RAD23B: variants seen among roughly 807,000 people sequenced by gnomAD.
The protein encoded by RAD23B is lysine-specific demethylase RAD23B.
RAD23B carries 5 observed loss-of-function variants against 49.1 expected under a neutral mutation model. That is an observed-to-expected ratio of 0.10 (90% confidence interval 0.05 to 0.21). The LOEUF (loss-of-function observed/expected upper bound fraction) is 0.21. RAD23B is among the 10% of genes least tolerant of loss of function. The pLI, the probability that RAD23B is intolerant of heterozygous loss-of-function variation, is 1.00. For missense variants in RAD23B, 356 were observed against 486.7 expected, an observed-to-expected ratio of 0.73 and a Z score of 2.53; for synonymous variants, 184 against 165.4, an observed-to-expected ratio of 1.11 and a Z score of -0.86.
At chr9:107,303,607 C>G (rs1355819049) in intron 3 of RAD23B, among the ~76,000 whole-genome samples, 2 of 152,116 alleles carry the variant, frequency 1.3e-5, no homozygotes, top group African/African-American at 4.8e-5. Context: ...GCAGCTATCA[C>G]CATCATATAA....
intron 3 of RAD23B, among the ~76,000 whole-genome samples, chr9:107,303,813 T>C (rs906284304): frequency 2.6e-5 from 4 of 152,182 alleles, no homozygotes; most frequent in Admixed American, 2.6e-4. Context: ...CATTTAAATA[T>C]GTTTTGTTAC....
At chr9:107,288,765 A>G (rs1466677492) in intron 1 of RAD23B, among the ~76,000 whole-genome samples, 1 of 152,198 alleles carries the variant, frequency 6.6e-6, no homozygotes, top group African/African-American at 2.4e-5. Flanking sequence ...AGAGCTGAGT[A>G]AAAATGAGCA....
chr9:107,320,269 AT>A (rs1384289065), intron 6 of RAD23B, among the ~76,000 whole-genome samples: 1 of 152,226 alleles, frequency 6.6e-6, no homozygotes, highest in East Asian at 1.9e-4. Flanking sequence ...TGTGGAATTA[AT>A]AATTGTTGTG....
At chr9:107,326,869 G>A (rs188431937) in intron 9 of RAD23B, among the ~76,000 whole-genome samples, 22 of 151,924 alleles carry the variant, frequency 1.4e-4, no homozygotes, top group Admixed American at 7.2e-4. Context: ...TCGATCTCAT[G>A]ACTTCGTGAT....
chr9:107,324,470 A>T (rs1197015424), intron 8 of RAD23B, among the ~76,000 whole-genome samples: 1 of 152,234 alleles, frequency 6.6e-6, no homozygotes, highest in Non-Finnish European at 1.5e-5. Flanking sequence ...AATTTTATAC[A>T]GCATTTTAAT....
chr9:107,328,700 C>T (rs2133102273), intron 9 of RAD23B, among the ~76,000 whole-genome samples: 1 of 152,330 alleles, frequency 6.6e-6, no homozygotes, highest in East Asian at 1.9e-4. Flanking sequence ...TGCTCACCTG[C>T]TCCTGGGCAG....
chr9:107,290,441 G>A (rs1336695896), intron 1 of RAD23B, among the ~76,000 whole-genome samples: 1 of 152,054 alleles, frequency 6.6e-6, no homozygotes, highest in Non-Finnish European at 1.5e-5. Flanking sequence ...CTATTTCCCT[G>A]CTTCTCAAGA....
chr9:107,324,923 C>T lies in RAD23B; in HGVS notation c.1035C>T (p.Gly345=). The part of the protein sequence containing the change: ...AGGQGGGGGG[G]SGGIAEAGSG... ...GTCAAGGAGGAGGAGGTGGAGGTGG[C>T]AGTGGAGGAATTGCAGAAGCTGGAA... Residue 345 remains glycine (G), a synonymous_variant, in exon 9 of 10, where the codon GGC becomes GGT. Coordinates refer to ENST00000358015, the MANE Select transcript of RAD23B (RefSeq NM_002874.5). The T allele has an allele frequency of 6.2e-7, 1 of 1,613,542 alleles. No homozygotes were observed. Among genetic ancestry groups the T allele is most frequent in the Non-Finnish European group, 8.5e-7 (1 of 1,179,798 alleles).
At chr9:107,290,438 C>G (rs1341654892) in intron 1 of RAD23B, among the ~76,000 whole-genome samples, 1 of 152,190 alleles carries the variant, frequency 6.6e-6, no homozygotes, top group African/African-American at 2.4e-5. Flanking sequence ...GCCCTATTTC[C>G]CTGCTTCTCA....
chr9:107,318,557 G>T lies in RAD23B; in HGVS notation c.554-195G>T, dbSNP rs1396055762. 6.6e-6 allele frequency among the ~76,000 whole-genome samples: 1 copy of T among 152,094 alleles called. No homozygotes were observed. On this transcript the variant is annotated intron_variant, in intron 5 of 9. Coordinates refer to ENST00000358015, the MANE Select transcript of RAD23B (RefSeq NM_002874.5). The surrounding 1 kb of genome is among the most constrained non-coding windows in gnomAD (Gnocchi z 4.3). ...CCTTTGCCTTGTAACCTATTTATAG[G>T]TTCCAGGGATCAAACCAGAGGGCAT...
At chr9:107,328,119 C>T (rs576814368) in intron 9 of RAD23B, among the ~76,000 whole-genome samples, 1 of 152,150 alleles carries the variant, frequency 6.6e-6, no homozygotes, top group Non-Finnish European at 1.5e-5. Flanking sequence ...GGATTGTACC[C>T]TTTACTTCAC....
At position 107,324,941 on chromosome 9, in the gene RAD23B, A is replaced by G; in HGVS notation, c.1053A>G (p.Glu351=). Residue 351 remains glutamate, a synonymous_variant, in exon 9 of 10, where the codon GAA becomes GAG. Coordinates refer to ENST00000358015, the MANE Select transcript of RAD23B (RefSeq NM_002874.5). ...GGGGGSGGIA[E]AGSGHMNYIQ... is the part of the protein sequence containing the mutation. ...GAGGTGGCAGTGGAGGAATTGCAGA[A>G]GCTGGAAGTGGTCATATGAACTACA... 1 of 1,613,880 alleles carries G rather than the reference A, an allele frequency of 6.2e-7. No homozygotes were observed. The highest frequency in any genetic ancestry group is 1.1e-5 in the South Asian group (1 of 91,060).
intron 3 of RAD23B, among the ~76,000 whole-genome samples, chr9:107,303,584 G>C (rs1826702915): frequency 6.6e-6 from 1 of 152,098 alleles, no homozygotes; most frequent in Non-Finnish European, 1.5e-5. Flanking sequence ...TAACATTATA[G>C]TTACATTGTT....
At chr9:107,290,970 A>G (rs1420793608) in intron 1 of RAD23B, among the ~76,000 whole-genome samples, 1 of 152,236 alleles carries the variant, frequency 6.6e-6, no homozygotes, top group East Asian at 1.9e-4. Flanking sequence ...ACACTACACC[A>G]TCTGTTCCCT....
At position 107,324,885 on chromosome 9, in the gene RAD23B, C is replaced by G. The variant is rs1827173719; in HGVS notation, c.997C>G (p.Gln333Glu). ...HFIQMLNEPV[Q>E]EAGGQGGGGG... ...TATTCAGATGTTAAATGAACCAGTT[C>G]AAGAAGCTGGTGGTCAAGGAGGAGG... The change falls in exon 9 of 10, where the codon CAA (glutamine) becomes GAA (glutamate). Residue 333 changes from glutamine (Q) to glutamate (E), a missense_variant. Physicochemically the swap from Gln to Glu is conservative, Grantham distance 29. Around this residue, in one of 5 missense-constraint regions of RAD23B, gnomAD observed 148 missense variants for 231.7 expected, o/e 0.64. Transcript: ENST00000358015. The G allele has an allele frequency of 1.9e-6, 3 of 1,613,116 alleles. No individual in the cohort carries two copies.
intron 4 of RAD23B, among the ~76,000 whole-genome samples, chr9:107,308,010 A>G (rs1370663227): frequency 6.6e-6 from 1 of 152,090 alleles, no homozygotes; most frequent in East Asian, 1.9e-4. Context: ...TATGAGAGGG[A>G]ACTTACGCAT....
intron 3 of RAD23B, among the ~76,000 whole-genome samples, chr9:107,305,515 T>G (rs2133078714): frequency 6.6e-6 from 1 of 152,236 alleles, no homozygotes; most frequent in East Asian, 1.9e-4. Context: ...AATTATCATG[T>G]AAGTGGACCC....
intron 1 of RAD23B, among the ~76,000 whole-genome samples, chr9:107,297,580 C>G (rs1163031435): frequency 6.6e-6 from 1 of 152,168 alleles, no homozygotes; most frequent in Non-Finnish European, 1.5e-5. Flanking sequence ...CTTAGGTGAT[C>G]CGTCTGCCTT....
chr9:107,309,138 C>G (rs1826839746), intron 4 of RAD23B, among the ~76,000 whole-genome samples: 1 of 152,152 alleles, frequency 6.6e-6, no homozygotes, highest in South Asian at 2.1e-4. Context: ...GTGTGGTAGT[C>G]AATAGGCTGC....
Sources: gnomAD v4.1 joint callset for allele counts (sites outside exome capture counted in the v4.1 genomes callset) on GRCh38, gnomAD v4.1.1 for gene constraint, gnomAD v4.1.1 regional missense constraint, Gnocchi (gnomAD v3.1) non-coding constraint, MANE v1.5 for transcripts, NCBI Gene and HGNC (gene_info 2026-07-23, HGNC 2026-07-21) for gene names.